The following POFUT3 variants were observed in gnomAD, a reference collection of about 807,000 sequenced individuals.
POFUT3 encodes the protein GDP-fucose protein O-fucosyltransferase 3.
chr8:33,428,438 A>C, the POFUT3 span, among the ~76,000 whole-genome samples: 1 of 152,250 alleles, frequency 6.6e-6, no homozygotes, highest in Non-Finnish European at 1.5e-5. Flanking sequence ...CAATGTCAAA[A>C]TTGAGTATGA....
At chr8:33,338,898 A>G in the POFUT3 span, 1 of 152,230 alleles carries the variant, frequency 6.6e-6, no homozygotes, top group African/African-American at 2.4e-5. Context: ...TAAAATTGGA[A>G]TGATACAGAG....
At chr8:33,358,205 A>C in the POFUT3 span, among the ~76,000 whole-genome samples, 2 of 152,360 alleles carry the variant, frequency 1.3e-5, no homozygotes, top group African/African-American at 2.4e-5. Flanking sequence ...GTGAGCCAGG[A>C]TGGTGCCATT....
At chr8:33,321,971 C>A in the POFUT3 span, among the ~76,000 whole-genome samples, 17 of 152,220 alleles carry the variant, frequency 1.1e-4, no homozygotes, top group Non-Finnish European at 2.1e-4. Context: ...CTAGTTGCTG[C>A]AATGAGTATA....
the POFUT3 span, among the ~76,000 whole-genome samples, chr8:33,456,923 C>T: frequency 1.3e-5 from 2 of 151,960 alleles, no homozygotes; most frequent in African/African-American, 4.8e-5. Flanking sequence ...CATGCACCAC[C>T]ACGCCCAGAT....
chr8:33,314,309 G>T, the POFUT3 span, among the ~76,000 whole-genome samples: 2 of 152,100 alleles, frequency 1.3e-5, no homozygotes, highest in Non-Finnish European at 2.9e-5. Context: ...ATTCAACCAC[G>T]TGGGATGGAG....
chr8:33,465,524 G>A, the POFUT3 span, among the ~76,000 whole-genome samples: 4 of 152,016 alleles, frequency 2.6e-5, no homozygotes, highest in African/African-American at 7.2e-5. Flanking sequence ...GTGCAGTGGC[G>A]CAATCTCGGC....
chr8:33,401,075 T>C, the POFUT3 span, among the ~76,000 whole-genome samples: 1 of 152,146 alleles, frequency 6.6e-6, no homozygotes, highest in Non-Finnish European at 1.5e-5. Context: ...CTCTGCCTCC[T>C]GGGTTCAAGT....
chr8:33,398,644 A>G, the POFUT3 span, among the ~76,000 whole-genome samples: 1 of 152,236 alleles, frequency 6.6e-6, no homozygotes, highest in African/African-American at 2.4e-5. Context: ...TGACAAAATA[A>G]TCTGTACAAC....
the POFUT3 span, among the ~76,000 whole-genome samples, chr8:33,314,559 A>T: frequency 6.6e-6 from 1 of 152,230 alleles, no homozygotes; most frequent in Non-Finnish European, 1.5e-5. Flanking sequence ...CATAAGCATT[A>T]AATGAGCTCA....
the POFUT3 span, among the ~76,000 whole-genome samples, chr8:33,469,195 A>G: frequency 6.6e-6 from 1 of 152,152 alleles, no homozygotes; most frequent in Non-Finnish European, 1.5e-5. Context: ...AGCCCCAGCT[A>G]CTGGGGAGGC....
the POFUT3 span, among the ~76,000 whole-genome samples, chr8:33,347,260 T>A: frequency 3.3e-5 from 5 of 152,212 alleles, no homozygotes; most frequent in South Asian, 2.1e-4. Flanking sequence ...AAGCCTGCAC[T>A]GTTTGGTTGT....
chr8:33,432,499 T>G, the POFUT3 span, among the ~76,000 whole-genome samples: 1 of 151,528 alleles, frequency 6.6e-6, no homozygotes, highest in Non-Finnish European at 1.5e-5. Flanking sequence ...AGAAACAAAA[T>G]GCTGTCTCTT....
the POFUT3 span, among the ~76,000 whole-genome samples, chr8:33,309,351 T>TTGTGTG: frequency 3.5e-5 from 5 of 142,502 alleles, no homozygotes; most frequent in African/African-American, 1.3e-4. Context: ...CTTAAAGGTA[T>TTGTGTG]TGTGTGTGTG....
At chr8:33,402,798 C>T in the POFUT3 span, among the ~76,000 whole-genome samples, 4 of 152,234 alleles carry the variant, frequency 2.6e-5, no homozygotes, top group African/African-American at 9.6e-5. Context: ...GTGGCTCATG[C>T]CTGTAATCCT....
chr8:33,374,380 A>G, the POFUT3 span, among the ~76,000 whole-genome samples: 1 of 152,210 alleles, frequency 6.6e-6, no homozygotes, highest in Non-Finnish European at 1.5e-5. Flanking sequence ...AAACCGTATG[A>G]AGGGACATTC....
the POFUT3 span, chr8:33,455,827 T>C: frequency 1.1e-5 from 5 of 456,154 alleles, no homozygotes; most frequent in Admixed American, 2.4e-5. Context: ...CATTGAAGCA[T>C]TGCATGGAGT....
chr8:33,466,912 C>T, the POFUT3 span, among the ~76,000 whole-genome samples: 2 of 152,062 alleles, frequency 1.3e-5, no homozygotes, highest in African/African-American at 4.8e-5. Flanking sequence ...CGAGACCAGC[C>T]CGACCAATAT....
chr8:33,338,956 GA>G, the POFUT3 span: 3 of 151,602 alleles, frequency 2.0e-5, no homozygotes, highest in Non-Finnish European at 1.5e-5. Context: ...CATGATCAAT[GA>G]AAAAAAGATC....
chr8:33,384,314 G>C, the POFUT3 span, among the ~76,000 whole-genome samples: 16 of 152,188 alleles, frequency 1.1e-4, no homozygotes, highest in Non-Finnish European at 2.2e-4. Flanking sequence ...TGATCTACCA[G>C]CAACAATGAT....
Sources: gnomAD v4.1 joint callset for allele counts (sites outside exome capture counted in the v4.1 genomes callset) on GRCh38, gnomAD v4.1.1 for gene constraint, MANE v1.5 for transcripts, NCBI Gene and HGNC (gene_info 2026-07-23, HGNC 2026-07-21) for gene names.